Variants in ZBTB8A observed in about 807,000 individuals in gnomAD.
ZBTB8A encodes zinc finger and BTB domain containing 8A, also known as zinc finger and BTB domain-containing protein 8A.
Under a neutral mutation model 37.8 loss-of-function variants are expected in ZBTB8A, and 19 were observed. The ratio of observed to expected loss-of-function variants is 0.50; its 90% confidence interval spans 0.35 to 0.74. ZBTB8A has a LOEUF of 0.74. Ranked by LOEUF, ZBTB8A falls within the 30% of genes least tolerant of loss-of-function variation. The pLI, the probability that ZBTB8A is intolerant of heterozygous loss-of-function variation, is 0.01. For missense variants in ZBTB8A, 394 were observed against 537.8 expected, an observed-to-expected ratio of 0.73 and a Z score of 2.65; for synonymous variants, 181 against 185.2, an observed-to-expected ratio of 0.98 and a Z score of 0.19.
At chr1:32,552,012 A>G (rs886433997) in intron 1 of ZBTB8A, among the ~76,000 whole-genome samples, 2 of 152,116 alleles carry the variant, frequency 1.3e-5, no homozygotes, top group African/African-American at 4.8e-5. Context: ...TCTTGGTATC[A>G]TCTGCTGGCC....
intron 2 of ZBTB8A, among the ~76,000 whole-genome samples, chr1:32,586,966 C>G (rs1007058718): frequency 2.0e-5 from 3 of 152,120 alleles, no homozygotes; most frequent in Non-Finnish European, 4.4e-5. Context: ...CCTTTAGGGT[C>G]AGGTGCGGTG....
chr1:32,599,359 AG>A (rs1207560444), intron 4 of ZBTB8A, among the ~76,000 whole-genome samples: 1 of 152,086 alleles, frequency 6.6e-6, no homozygotes, highest in Non-Finnish European at 1.5e-5. Context: ...TGGGAGGCTG[AG>A]GCTGCAGTGA....
intron 2 of ZBTB8A, among the ~76,000 whole-genome samples, chr1:32,588,352 C>T (rs1441575682): frequency 2.0e-5 from 3 of 151,966 alleles, no homozygotes; most frequent in Non-Finnish European, 2.9e-5. Context: ...CAGGACAACT[C>T]GCTGGTGTCG....
At chr1:32,572,451 A>G (rs1570343200) in intron 2 of ZBTB8A, among the ~76,000 whole-genome samples, 1 of 151,214 alleles carries the variant, frequency 6.6e-6, no homozygotes, top group African/African-American at 2.4e-5. Flanking sequence ...GCTGGAGTAC[A>G]GTGGCGTGAT....
At position 32,601,063 on chromosome 1, in the gene ZBTB8A, A is replaced by C. The variant is rs1369598728; in HGVS notation, c.*644A>C. 6.6e-6 allele frequency: 1 copy of C among 152,218 alleles called. No individual in the cohort carries two copies. The highest frequency in any genetic ancestry group is 1.5e-5 in the Non-Finnish European group (1 of 68,066). The allele number at this position is 152,218 out of a possible 1,614,324, so 9.4% of individuals were successfully genotyped here. ...TACTCTCAGTATTGTTAAAAAAAAA[A>C]AAAAGTAGAGGCTGGCCAAAGATTA... On this transcript the variant is annotated 3_prime_UTR_variant, in exon 5 of 5. Transcript: ENST00000373510.
At chr1:32,556,492 A>G (rs1644203468) in intron 2 of ZBTB8A, among the ~76,000 whole-genome samples, 1 of 152,092 alleles carries the variant, frequency 6.6e-6, no homozygotes, top group Non-Finnish European at 1.5e-5. Context: ...TGTGCCTCCC[A>G]AGTAGCTGGG....
intron 2 of ZBTB8A, among the ~76,000 whole-genome samples, chr1:32,571,709 G>T (rs375568489): frequency 6.6e-6 from 1 of 151,938 alleles, no homozygotes; most frequent in Non-Finnish European, 1.5e-5. Flanking sequence ...CAAATAGCTG[G>T]TATTACAGGC....
chr1:32,592,348 T>C (rs1181545585), intron 2 of ZBTB8A, among the ~76,000 whole-genome samples: 1 of 151,544 alleles, frequency 6.6e-6, no homozygotes, highest in Non-Finnish European at 1.5e-5. Flanking sequence ...CCAGCTCGGG[T>C]ACGTGGTGAG....
intron 1 of ZBTB8A, among the ~76,000 whole-genome samples, chr1:32,541,250 A>G (rs1265807246): frequency 6.6e-6 from 1 of 152,160 alleles, no homozygotes; most frequent in Non-Finnish European, 1.5e-5. Flanking sequence ...ATAATAGTCT[A>G]TGCAGCCTTA....
chr1:32,582,183 T>C lies in ZBTB8A; in HGVS notation c.-1-10748T>C, dbSNP rs921493235. Among the ~76,000 whole-genome samples, 10 of 152,188 alleles carry C rather than the reference T, an allele frequency of 6.6e-5. No homozygotes were observed. The East Asian group carries it at 1.7e-3, about 26-fold the overall frequency. On this transcript the variant is annotated intron_variant, in intron 2 of 4. Transcript: ENST00000373510. ...ATTCAAAATCTGAAATGCTCCAAAA[T>C]CTAAAACTTTTTGAGTACTAACTTG...
intron 1 of ZBTB8A, among the ~76,000 whole-genome samples, chr1:32,541,954 C>G (rs576037401): frequency 6.6e-6 from 1 of 152,278 alleles, no homozygotes; most frequent in African/African-American, 2.4e-5. Flanking sequence ...AATGGCTTGA[C>G]TTACGATTTT....
At chr1:32,551,958 A>G (rs1244279262) in intron 1 of ZBTB8A, among the ~76,000 whole-genome samples, 1 of 152,046 alleles carries the variant, frequency 6.6e-6, no homozygotes, top group Non-Finnish European at 1.5e-5. Context: ...TTCTTCTAAA[A>G]CACATTGATG....
intron 2 of ZBTB8A, among the ~76,000 whole-genome samples, chr1:32,564,220 C>T (rs1380267340): frequency 6.6e-6 from 1 of 152,082 alleles, no homozygotes; most frequent in African/African-American, 2.4e-5. Context: ...AAATAGTGCA[C>T]CAGAATAACT....
Position 32,558,438 on chromosome 1 carries a change from A to AACACAC in ZBTB8A, c.-2+4930_-2+4935dup, listed in dbSNP as rs35047367. ...TACTTTCTAGAAGAGCTAAGTATTA[A>AACACAC]ACACACACACACACACACACACACA... On this transcript the variant is annotated intron_variant, in intron 2 of 4. Coordinates refer to ENST00000373510, the MANE Select transcript of ZBTB8A (RefSeq NM_001040441.3). Among the ~76,000 whole-genome samples, 1,018 of 145,756 alleles carry AACACAC rather than the reference A, an allele frequency of 7.0e-3. 10 individuals carry two copies. The highest frequency in any genetic ancestry group is 0.022 in the African/African-American group (860 of 39,700).
At chr1:32,591,235 C>T (rs1393519423) in intron 2 of ZBTB8A, among the ~76,000 whole-genome samples, 2 of 149,212 alleles carry the variant, frequency 1.3e-5, no homozygotes, top group African/African-American at 5.0e-5. Context: ...GAGACAGAGT[C>T]TCTCTCTGTG....
chr1:32,588,993 A>G (rs1350942436), intron 2 of ZBTB8A, among the ~76,000 whole-genome samples: 3 of 151,956 alleles, frequency 2.0e-5, no homozygotes, highest in African/African-American at 4.8e-5. Flanking sequence ...CAAAAAAAAA[A>G]GTGGTTTTGA....
intron 1 of ZBTB8A, among the ~76,000 whole-genome samples, chr1:32,549,122 A>C (rs1644130399): frequency 6.6e-6 from 1 of 152,086 alleles, no homozygotes; most frequent in Non-Finnish European, 1.5e-5. Context: ...CGGGAGGCAG[A>C]GGTTGCCATG....
Position 32,547,817 on chromosome 1 carries a change from A to G in ZBTB8A, c.-83-5642A>G, listed in dbSNP as rs369511705. Among the ~76,000 whole-genome samples, 40 of 146,726 alleles carry G rather than the reference A, an allele frequency of 2.7e-4. 1 individual carries two copies. Among genetic ancestry groups the G allele is most frequent in the Middle Eastern group, 3.4e-3 (1 of 290 alleles). The stretch of plus-strand genomic sequence containing the variant: ...GAGAAAGATTCTGTCTAAAACAAAA[A>G]ACAAACAAAGCAAAAAAAAAAAAAA... On this transcript the variant is annotated intron_variant, in intron 1 of 4. Transcript: ENST00000373510.
chr1:32,564,156 T>A (rs1644263125), intron 2 of ZBTB8A, among the ~76,000 whole-genome samples: 1 of 152,160 alleles, frequency 6.6e-6, no homozygotes, highest in African/African-American at 2.4e-5. Context: ...TTTCTATGGC[T>A]TCTTTACCCT....
Sources: allele counts gnomAD v4.1 joint callset (sites outside exome capture counted in the v4.1 genomes callset), GRCh38; gene constraint gnomAD v4.1.1; transcripts MANE v1.5; gene names NCBI Gene and HGNC (gene_info 2026-07-23, HGNC 2026-07-21).